Variants in C12orf42 observed in about 807,000 individuals in gnomAD.
C12orf42 encodes the protein chromosome 12 open reading frame 42.
C12orf42 carries 25 observed loss-of-function variants against 21.6 expected under a neutral mutation model. That is an observed-to-expected ratio of 1.16 (90% CI 0.84 to 1.62). C12orf42 has a LOEUF of 1.62. Among genes scored for constraint, C12orf42 ranks in the 40% most tolerant of loss-of-function variants. The pLI is 0.00. For missense variants in C12orf42, 483 were observed against 459.3 expected, an observed-to-expected ratio of 1.05 and a Z score of -0.47; for synonymous variants, 174 against 175.0, an observed-to-expected ratio of 0.99 and a Z score of 0.05.
chr12:103,399,352 T>G (rs142177741), intron 3 of C12orf42, among the ~76,000 whole-genome samples: 89 of 151,928 alleles, frequency 5.9e-4, no homozygotes, highest in African/African-American at 1.9e-3. Flanking sequence ...TAAGTCTATT[T>G]TTGTTGTTGT....
At chr12:103,388,909 AC>A (rs2046845286) in intron 3 of C12orf42, among the ~76,000 whole-genome samples, 1 of 152,194 alleles carries the variant, frequency 6.6e-6, no homozygotes, top group Admixed American at 6.5e-5. Context: ...CTTGGTTGGG[AC>A]CAAAGATTCT....
At chr12:103,325,253 CTCTT>C (rs1305183838) in intron 4 of C12orf42, among the ~76,000 whole-genome samples, 2 of 152,220 alleles carry the variant, frequency 1.3e-5, no homozygotes, top group Non-Finnish European at 2.9e-5. Context: ...GAGAAGGACT[CTCTT>C]TTTGAACGAC....
intron 5 of C12orf42, among the ~76,000 whole-genome samples, chr12:103,305,330 GT>G (rs1273647759): frequency 6.6e-6 from 1 of 151,886 alleles, no homozygotes; most frequent in African/African-American, 2.4e-5. Context: ...TACCACCACC[GT>G]CATCACCACC....
At chr12:103,476,925 G>A (rs764578346) in intron 2 of C12orf42, 3 of 151,882 alleles carry the variant, frequency 2.0e-5, no homozygotes, top group Non-Finnish European at 4.4e-5. Flanking sequence ...AAATAACAAA[G>A]TACAATGGCC....
chr12:103,379,187 T>A (rs2045952803), intron 3 of C12orf42, among the ~76,000 whole-genome samples: 1 of 152,232 alleles, frequency 6.6e-6, no homozygotes, highest in East Asian at 1.9e-4. Context: ...ACAAAGTTAC[T>A]ATCTCCACTT....
chr12:103,147,150 C>A, the C12orf42 span, among the ~76,000 whole-genome samples: 1 of 152,250 alleles, frequency 6.6e-6, no homozygotes, highest in East Asian at 1.9e-4. Flanking sequence ...TAAATTAAGC[C>A]TTTATAGTAG....
chr12:103,242,001 A>G (rs1327936018), intron 10 of C12orf42, among the ~76,000 whole-genome samples: 1 of 152,190 alleles, frequency 6.6e-6, no homozygotes, highest in Non-Finnish European at 1.5e-5. Flanking sequence ...ATCCTAAGCA[A>G]TTTGGAAAGT....
chr12:103,512,739 C>T, the C12orf42 span, among the ~76,000 whole-genome samples: 1 of 152,246 alleles, frequency 6.6e-6, no homozygotes, highest in East Asian at 1.9e-4. Context: ...TGCAGTGGCT[C>T]ATGCCTGTAA....
chr12:103,154,290 T>C, the C12orf42 span, among the ~76,000 whole-genome samples: 2 of 152,156 alleles, frequency 1.3e-5, no homozygotes, highest in African/African-American at 4.8e-5. Context: ...TGAAAATTCA[T>C]CAACCTATGT....
downstream of C12orf42, chr12:103,267,665 A>C (rs1275945000): frequency 6.6e-6 from 1 of 152,150 alleles, no homozygotes; most frequent in Non-Finnish European, 1.5e-5. Flanking sequence ...TGGGATGAGA[A>C]GGACACTTCG....
intron 3 of C12orf42, among the ~76,000 whole-genome samples, chr12:103,400,837 G>T (rs2047928411): frequency 1.3e-5 from 2 of 152,206 alleles, no homozygotes; most frequent in Non-Finnish European, 2.9e-5. Flanking sequence ...TTGGGATGTT[G>T]TGATTTCCTC....
chr12:103,308,991 CT>C (rs1195620876), intron 4 of C12orf42, among the ~76,000 whole-genome samples: 1 of 152,194 alleles, frequency 6.6e-6, no homozygotes, highest in Non-Finnish European at 1.5e-5. Flanking sequence ...CACTGAACAG[CT>C]TTCTCCTTCA....
At chr12:103,242,726 T>G (rs924729264) in intron 10 of C12orf42, among the ~76,000 whole-genome samples, 4 of 152,134 alleles carry the variant, frequency 2.6e-5, no homozygotes, top group Admixed American at 2.6e-4. Flanking sequence ...AACATGTGTT[T>G]TAAGAAAGGA....
chr12:103,142,419 G>T, the C12orf42 span, among the ~76,000 whole-genome samples: 2 of 152,158 alleles, frequency 1.3e-5, no homozygotes, highest in Non-Finnish European at 2.9e-5. Flanking sequence ...ATATTTCAGG[G>T]TGCTAATTTG....
chr12:103,532,347 C>G, the C12orf42 span, among the ~76,000 whole-genome samples: 1 of 151,990 alleles, frequency 6.6e-6, no homozygotes, highest in Non-Finnish European at 1.5e-5. Context: ...CTCTAGATAC[C>G]AAAACTGTGT....
chr12:103,075,317 A>C, the C12orf42 span, among the ~76,000 whole-genome samples: 1 of 152,110 alleles, frequency 6.6e-6, no homozygotes, highest in Non-Finnish European at 1.5e-5. Flanking sequence ...TAATGAAATC[A>C]TCTTAATTTG....
At chr12:103,128,401 T>C in the C12orf42 span, among the ~76,000 whole-genome samples, 1 of 152,172 alleles carries the variant, frequency 6.6e-6, no homozygotes, top group Non-Finnish European at 1.5e-5. Context: ...GGGGGAGCAA[T>C]GTGGTACAGC....
intron 2 of C12orf42, among the ~76,000 whole-genome samples, chr12:103,408,834 C>T (rs2048614781): frequency 6.6e-6 from 1 of 152,194 alleles, no homozygotes; most frequent in African/African-American, 2.4e-5. Flanking sequence ...AGTGCATCTG[C>T]TGGTAACTCT....
At chr12:103,409,190 A>C (rs1043553410) in intron 2 of C12orf42, among the ~76,000 whole-genome samples, 1 of 152,224 alleles carries the variant, frequency 6.6e-6, no homozygotes, top group African/African-American at 2.4e-5. Context: ...CTCACCAGCA[A>C]ACACTGAGCC....
Sources: allele counts gnomAD v4.1 joint callset (sites outside exome capture counted in the v4.1 genomes callset), GRCh38; gene constraint gnomAD v4.1.1; transcripts MANE v1.5; gene names NCBI Gene and HGNC (gene_info 2026-07-23, HGNC 2026-07-21).